The following TYW1B variants were observed in gnomAD, a reference collection of about 807,000 sequenced individuals.
TYW1B encodes S-adenosyl-L-methionine-dependent tRNA 4-demethylwyosine synthase TYW1B.
In TYW1B, 73 loss-of-function variants were observed where a neutral mutation model predicts 86.9. The observed-to-expected ratio is 0.84, with a 90% CI of 0.70 to 1.02. TYW1B has a LOEUF of 1.02. Among genes scored for constraint, TYW1B ranks in the 50% least tolerant of loss-of-function variants. TYW1B has a pLI of 0.00. For missense variants in TYW1B, 637 were observed against 827.4 expected (o/e 0.77, Z 2.82); for synonymous variants, 248 against 292.8 (o/e 0.85, Z 1.56).
chr7:72,620,168 G>A (rs191128010), intron 12 of TYW1B, among the ~76,000 whole-genome samples: 63 of 151,870 alleles, frequency 4.1e-4, no homozygotes, highest in African/African-American at 1.3e-3. Context: ...AGGCTGAGGC[G>A]GGCAGATCAC....
At position 72,671,683 on chromosome 7, in the gene TYW1B, T is replaced by C. The variant is rs190479528; in HGVS notation, c.1506+23004A>G. Among the ~76,000 whole-genome samples, 712 of 152,238 alleles carry C rather than the reference T, an allele frequency of 4.7e-3. 3 individuals carry two copies. The highest frequency in any genetic ancestry group is 0.014 in the Middle Eastern group (4 of 294). ...AGGATTTCTTTTCCTTATTTTTCTATTTTCTTATTTTCTATTGGCTTATAG... is the reference window on the plus strand; with the variant it reads ...AGGATTTCTTTTCCTTATTTTTCTACTTTCTTATTTTCTATTGGCTTATAG... On this transcript the variant is annotated intron_variant, in intron 11 of 13. Transcript: ENST00000620995.
At chr7:72,711,350 T>C (rs1470213480) in intron 10 of TYW1B, among the ~76,000 whole-genome samples, 4 of 152,094 alleles carry the variant, frequency 2.6e-5, no homozygotes, top group East Asian at 1.9e-4. Flanking sequence ...CCCTGAATCC[T>C]TGAAAACTCT....
chr7:72,766,753 C>T lies in TYW1B; in HGVS notation c.964+10663G>A, dbSNP rs559342733. 1.3e-3 allele frequency among the ~76,000 whole-genome samples: 205 copies of T among 151,920 alleles called. 1 individual carries two copies. The highest frequency in any genetic ancestry group is 4.8e-3 in the African/African-American group (199 of 41,434). On this transcript the variant is annotated intron_variant, in intron 7 of 13. Transcript: ENST00000620995. ...ACCAGCCTGGCCAACAAGGTGAAAC[C>T]CTGTCTCTACTAAAAATACAAAAAT...
intron 11 of TYW1B, among the ~76,000 whole-genome samples, chr7:72,684,965 A>C (rs782191864): frequency 6.6e-6 from 1 of 152,094 alleles, no homozygotes; most frequent in Non-Finnish European, 1.5e-5. Flanking sequence ...TTAAAAAATT[A>C]GCCAAGTGTA....
intron 11 of TYW1B, among the ~76,000 whole-genome samples, chr7:72,645,374 GC>G (rs1433128017): frequency 6.6e-6 from 1 of 152,152 alleles, no homozygotes; most frequent in Non-Finnish European, 1.5e-5. Flanking sequence ...CGATTGTCTG[GC>G]ACTATCTACT....
At chr7:72,627,451 A>AAACCAT (rs1281513459) in intron 12 of TYW1B, among the ~76,000 whole-genome samples, 2 of 142,832 alleles carry the variant, frequency 1.4e-5, no homozygotes, top group African/African-American at 5.2e-5. Flanking sequence ...TCATCTCAAA[A>AAACCAT]AACAGTAACA....
rs1554477849 is a variant in TYW1B, at chr7:72,810,463, A to C, written c.432+8T>G. On this transcript the variant is annotated splice_region_variant and intron_variant, in intron 4 of 13. Coordinates refer to ENST00000620995, the MANE Select transcript of TYW1B (RefSeq NM_001145440.3). ...AGAATTTATTCCTATAATTCAATATAGACCTACCTTGTTGAAGTGGCTAGC... is the reference window on the plus strand; with the variant it reads ...AGAATTTATTCCTATAATTCAATATCGACCTACCTTGTTGAAGTGGCTAGC... The C allele has an allele frequency of 6.2e-7, 1 of 1,606,664 alleles. No individual in the cohort carries two copies. Among genetic ancestry groups the C allele is most frequent in the Non-Finnish European group, 8.5e-7 (1 of 1,175,758 alleles).
intron 7 of TYW1B, chr7:72,769,334 A>G (rs1787827936): frequency 6.0e-6 from 1 of 166,934 alleles, no homozygotes; most frequent in East Asian, 1.5e-4. Flanking sequence ...AGAACCACGC[A>G]GCACTGTAGA....
intron 6 of TYW1B, among the ~76,000 whole-genome samples, chr7:72,792,929 A>T (rs1554473800): frequency 6.6e-6 from 1 of 152,242 alleles, no homozygotes; most frequent in Non-Finnish European, 1.5e-5. Context: ...GCAATAAAAT[A>T]CCTGCAAGAA....
chr7:72,771,565 A>G (rs539225353), intron 7 of TYW1B, among the ~76,000 whole-genome samples: 1 of 152,292 alleles, frequency 6.6e-6, no homozygotes, highest in South Asian at 2.1e-4. Context: ...TAATAGACAT[A>G]CTGAATAAAA....
intron 4 of TYW1B, among the ~76,000 whole-genome samples, chr7:72,808,329 G>A (rs186140420): frequency 3.0e-4 from 45 of 151,908 alleles, no homozygotes; most frequent in African/African-American, 9.2e-4. Context: ...GGGCGCCTGT[G>A]GTCCCAGCTA....
intron 8 of TYW1B, among the ~76,000 whole-genome samples, chr7:72,734,745 C>T (rs1230589548): frequency 1.3e-5 from 2 of 152,120 alleles, no homozygotes; most frequent in African/African-American, 4.8e-5. Context: ...ACAAAAAATT[C>T]AAACAACCCA....
chr7:72,629,830 A>G (rs1375104811), intron 11 of TYW1B, among the ~76,000 whole-genome samples: 2 of 152,070 alleles, frequency 1.3e-5, no homozygotes, highest in African/African-American at 2.4e-5. Flanking sequence ...TTATAGGCGC[A>G]CACCGAGCCA....
intron 11 of TYW1B, among the ~76,000 whole-genome samples, chr7:72,684,937 CCT>C (rs1813970904): frequency 6.6e-6 from 1 of 151,730 alleles, no homozygotes; most frequent in African/African-American, 2.4e-5. Context: ...ATGGTAAAAC[CCT>C]GTCTCTAATA....
At chr7:72,828,030 T>C (rs782376182) in intron 1 of TYW1B, 42 bp downstream of exon 1, 12 of 1,612,498 alleles carry the variant, frequency 7.4e-6, no homozygotes, top group Middle Eastern at 1.7e-4. Flanking sequence ...AACGTTTACC[T>C]CCCCTGCCGC....
At chr7:72,762,901 C>T (rs1787708447) in intron 7 of TYW1B, among the ~76,000 whole-genome samples, 1 of 152,120 alleles carries the variant, frequency 6.6e-6, no homozygotes, top group Non-Finnish European at 1.5e-5. Context: ...CTCAAGTGAT[C>T]CATCTGCCAT....
intron 13 of TYW1B, among the ~76,000 whole-genome samples, chr7:72,610,079 C>CAATGATGTCATA (rs1304665693): frequency 1.3e-5 from 2 of 152,164 alleles, no homozygotes; most frequent in Non-Finnish European, 2.9e-5. Flanking sequence ...TAGGCTGTGT[C>CAATGATGTCATA]ACACTTCTTT....
chr7:72,626,439 T>A (rs1261538009), intron 12 of TYW1B, among the ~76,000 whole-genome samples: 9 of 152,102 alleles, frequency 5.9e-5, no homozygotes, highest in Non-Finnish European at 1.3e-4. Context: ...TCTAGCCCTA[T>A]CTTATCCCTG....
intron 13 of TYW1B, among the ~76,000 whole-genome samples, chr7:72,606,139 A>G (rs1278184277): frequency 6.6e-6 from 1 of 152,224 alleles, no homozygotes; most frequent in African/African-American, 2.4e-5. Context: ...TTTTTGGCTC[A>G]GATATCCTGG....
Sources: gnomAD v4.1 joint callset for allele counts (sites outside exome capture counted in the v4.1 genomes callset) on GRCh38, gnomAD v4.1.1 for gene constraint, MANE v1.5 for transcripts, NCBI Gene and HGNC (gene_info 2026-07-23, HGNC 2026-07-21) for gene names.